DAP3: variants seen among roughly 807,000 people sequenced by gnomAD.
DAP3 encodes the protein small ribosomal subunit protein mS29.
DAP3 carries 28 observed loss-of-function variants against 51.9 expected under a neutral mutation model. The ratio of observed to expected loss-of-function variants is 0.54; its 90% confidence interval spans 0.40 to 0.74. The LOEUF (loss-of-function observed/expected upper bound fraction) is 0.74. Ranked by LOEUF, DAP3 falls within the 30% of genes least tolerant of loss-of-function variation. DAP3 has a pLI of 0.00. For missense variants in DAP3, 458 were observed against 483.5 expected (o/e 0.95, Z 0.49); for synonymous variants, 170 against 170.3 (o/e 1.00, Z 0.01).
chr1:155,738,076 AGCC>A, intron 12 of DAP3, 78 bp from the exon 13 acceptor site: 2 of 1,357,174 alleles, frequency 1.5e-6, no homozygotes, highest in Non-Finnish European at 2.1e-6. Context: ...TGGATATGGT[AGCC>A]TCTGACTACA....
intron 1 of DAP3, among the ~76,000 whole-genome samples, chr1:155,709,403 C>T (rs929483817): frequency 2.1e-4 from 32 of 152,138 alleles, no homozygotes; most frequent in African/African-American, 6.0e-4. Context: ...ACCTCAGCCC[C>T]GAGAAGTGTT....
chr1:155,695,005 A>G (rs1654333741), intron 1 of DAP3, among the ~76,000 whole-genome samples: 1 of 152,216 alleles, frequency 6.6e-6, no homozygotes, highest in Admixed American at 6.5e-5. Flanking sequence ...TTTAAGGTTC[A>G]GTTGGCTCGC....
intron 11 of DAP3, among the ~76,000 whole-genome samples, chr1:155,734,776 CGTTT>C (rs914214457): frequency 3.3e-5 from 5 of 152,218 alleles, no homozygotes; most frequent in East Asian, 3.9e-4. Context: ...CACACATCTG[CGTTT>C]GTTTCTCTAA....
chr1:155,706,695 G>A (rs1656022508), intron 1 of DAP3, among the ~76,000 whole-genome samples: 1 of 151,902 alleles, frequency 6.6e-6, no homozygotes, highest in African/African-American at 2.4e-5. Flanking sequence ...TGAGCCCGGG[G>A]AGGCAAGGTT....
chr1:155,728,890 A>T (rs1180362866), intron 7 of DAP3, 152 bp from the exon 8 acceptor site: 1 of 640,428 alleles, frequency 1.6e-6, no homozygotes, highest in Non-Finnish European at 2.6e-6. Context: ...AAAAGAAAGC[A>T]TTCACTTCTA....
intron 1 of DAP3, among the ~76,000 whole-genome samples, chr1:155,692,706 T>C (rs2149104032): frequency 7.0e-6 from 1 of 142,150 alleles, no homozygotes; most frequent in Non-Finnish European, 1.5e-5. Context: ...GATGTCTAAC[T>C]TTTTCCCAGT....
rs57692591 is a variant in DAP3, at chr1:155,729,241, G to T, written c.718G>T (p.Val240Phe). Residue 240 changes from valine (V) to phenylalanine (F), a missense_variant, in exon 9 of 13, where the codon GTT becomes TTT. Val to Phe is a conservative substitution (Grantham distance 50). Coordinates refer to ENST00000368336, the MANE Select transcript of DAP3 (RefSeq NM_004632.4). ...ACGGGTGAGGAACGCCACAGATGCA[G>T]TTGGAATTGTGCTGAAAGAGCTAAA... is the stretch of plus-strand genomic sequence containing the variant. The part of the protein sequence containing the change: ...ITRVRNATDA[V>F]GIVLKELKRQ... The T allele has an allele frequency of 1.1e-3, 1,748 of 1,614,176 alleles. 19 individuals are homozygous for T. The African/African-American group carries it at 0.02, about 18-fold the overall frequency.
Position 155,731,966 on chromosome 1 carries a change from C to T in DAP3, c.926C>T (p.Ala309Val). 6.2e-7 allele frequency: 1 copy of T among 1,611,808 alleles called. No individual in the cohort carries two copies. ...NDWHGGAIVS[A>V]LSQTGSLFKP... is the part of the protein sequence containing the mutation. ...CAGCATGGAGGCGCCATTGTGTCGGCTTTGAGCCAGACTGGGTCTCTCTTT... is the reference window on the plus strand; with the variant it reads ...CAGCATGGAGGCGCCATTGTGTCGGTTTTGAGCCAGACTGGGTCTCTCTTT... Residue 309 changes from alanine to valine, a missense_variant, in exon 11 of 13, where the codon GCT becomes GTT. Coordinates refer to ENST00000368336, the MANE Select transcript of DAP3 (RefSeq NM_004632.4).
chr1:155,703,438 T>C (rs1368330865), intron 1 of DAP3, among the ~76,000 whole-genome samples: 1 of 152,216 alleles, frequency 6.6e-6, no homozygotes, highest in East Asian at 1.9e-4. Context: ...GCCCCCATGA[T>C]TCAATTATCT....
In DAP3 at chr1:155,721,594, C is replaced by T. The variant is rs777964128; in HGVS notation, c.246C>T (p.Gly82=). The part of the protein sequence containing the change: ...PQDLETVFPH[G]LPPRFVMQVK... ...ATTTGGAGACTGTATTTCCCCATGG[C>T]CTTCCTCCTCGCTTTGTGATGCAGG... The change falls in exon 4 of 13, where the codon GGC becomes GGT. Residue 82 remains glycine, a synonymous_variant. Coordinates refer to ENST00000368336, the MANE Select transcript of DAP3 (RefSeq NM_004632.4). 1 of 1,614,020 alleles carries T rather than the reference C, an allele frequency of 6.2e-7. No homozygotes were observed. The highest frequency in any genetic ancestry group is 8.5e-7 in the Non-Finnish European group (1 of 1,180,004).
intron 2 of DAP3, among the ~76,000 whole-genome samples, chr1:155,711,305 C>T (rs1656664560): frequency 6.6e-6 from 1 of 152,078 alleles, no homozygotes; most frequent in Admixed American, 6.6e-5. Context: ...CCAGCCTGGC[C>T]AACATAGTGA....
Position 155,717,074 on chromosome 1 carries a change from C to A in DAP3, c.114C>A (p.Asn38Lys), listed in dbSNP as rs752102492. The change falls in exon 3 of 13, where the codon AAC (asparagine) becomes AAA (lysine). Residue 38 changes from asparagine (N) to lysine (K), a missense_variant. Coordinates refer to ENST00000368336, the MANE Select transcript of DAP3 (RefSeq NM_004632.4). ...ARQSIAAHLD[N>K]QVPVESPRAI... ...AAAGCATTGCTGCTCACCTAGATAA[C>A]CAGGTTCCAGTTGAGAGTCCGAGAG... is the stretch of plus-strand genomic sequence containing the variant. 1 of 1,612,866 alleles carries A rather than the reference C, an allele frequency of 6.2e-7. No homozygotes were observed. The highest frequency in any genetic ancestry group is 8.5e-7 in the Non-Finnish European group (1 of 1,179,572).
intron 3 of DAP3, 124 bp from the exon 4 acceptor site, chr1:155,721,393 T>C (rs1657992546): frequency 2.3e-6 from 1 of 438,052 alleles, no homozygotes; most frequent in Non-Finnish European, 3.9e-6. Context: ...TATATATATG[T>C]ATGTATGTAT....
At chr1:155,694,231 A>G (rs980421679) in intron 1 of DAP3, among the ~76,000 whole-genome samples, 3 of 141,392 alleles carry the variant, frequency 2.1e-5, no homozygotes, top group Non-Finnish European at 4.4e-5. Context: ...AGGGGAACTG[A>G]TAACCCATGG....
intron 11 of DAP3, chr1:155,736,501 G>A: frequency 4.5e-6 from 1 of 219,870 alleles, no homozygotes. Context: ...GCAGCTCACT[G>A]CAATCTCAAC....
Position 155,738,337 on chromosome 1 carries a change from C to CAATCCCATAGGTACA in DAP3, c.*96_*97insATCCCATAGGTACAA. On this transcript the variant is annotated 3_prime_UTR_variant, in exon 13 of 13. Transcript: ENST00000368336. ...TCGGGCAGTACACAGGAAGAGGAGC[C>CAATCCCATAGGTACA]AGGCCCTTGTACCTATGGGATTGGA... 7.3e-7 allele frequency: 1 copy of CAATCCCATAGGTACA among 1,374,618 alleles called. No homozygotes were observed. The highest frequency in any genetic ancestry group is 1.0e-6 in the Non-Finnish European group (1 of 988,018). 85.2% of individuals were successfully genotyped at this position (1,374,618 alleles called of 1,614,324 possible).
At chr1:155,726,140 T>G in intron 6 of DAP3, 121 bp downstream of exon 6, 1 of 849,990 alleles carries the variant, frequency 1.2e-6, no homozygotes, top group Non-Finnish European at 1.7e-6. Context: ...TGAGATGGAG[T>G]TTCGCTCTTG....
chr1:155,717,758 G>A (rs1657498385), intron 3 of DAP3, among the ~76,000 whole-genome samples: 1 of 152,158 alleles, frequency 6.6e-6, no homozygotes, highest in African/African-American at 2.4e-5. Context: ...TTTGTAAGTG[G>A]ATTTCCTAGG....
At chr1:155,702,365 C>T (rs148220295) in intron 1 of DAP3, among the ~76,000 whole-genome samples, 1,520 of 151,978 alleles carry the variant, frequency 0.01, 97 homozygotes, top group Admixed American at 0.085. Context: ...CCCAGCTACT[C>T]GGGAGGCTGA....
Sources: gnomAD v4.1 joint callset for allele counts (sites outside exome capture counted in the v4.1 genomes callset) on GRCh38, gnomAD v4.1.1 for gene constraint, MANE v1.5 for transcripts, NCBI Gene and HGNC (gene_info 2026-07-23, HGNC 2026-07-21) for gene names.